The following SAMD5 variants were observed in gnomAD, a reference collection of about 807,000 sequenced individuals.
SAMD5 encodes sterile alpha motif domain containing 5.
A neutral mutation model predicts 11.3 loss-of-function variants in SAMD5; 13 were observed. The ratio of observed to expected loss-of-function variants is 1.15; its 90% CI spans 0.75 to 1.83. The LOEUF (loss-of-function observed/expected upper bound fraction) is 1.83. Ranked by LOEUF, SAMD5 falls within the 40% of genes most tolerant of loss-of-function variation. The probability of loss-of-function intolerance (pLI) is 0.00; values close to 1 mark genes in which losing one functional copy is unlikely to be tolerated. For synonymous variants in SAMD5, 129 were observed against 111.3 expected, an observed-to-expected ratio of 1.16 and a Z score of -1.00; for missense variants, 255 against 239.1, an observed-to-expected ratio of 1.07 and a Z score of -0.44.
intron 1 of SAMD5, among the ~76,000 whole-genome samples, chr6:147,516,489 A>G (rs755447375): frequency 6.6e-6 from 1 of 152,312 alleles, no homozygotes; most frequent in African/African-American, 2.4e-5. Context: ...TGTTATGGAG[A>G]TGAGATGAGC....
chr6:147,540,162 A>T (rs1788577062), intron 1 of SAMD5, among the ~76,000 whole-genome samples: 1 of 152,014 alleles, frequency 6.6e-6, no homozygotes, highest in Non-Finnish European at 1.5e-5. Context: ...TAAGACTGCG[A>T]ATCAGAAGCT....
chr6:147,856,566 T>G, the SAMD5 span, among the ~76,000 whole-genome samples: 1 of 152,060 alleles, frequency 6.6e-6, no homozygotes, highest in Non-Finnish European at 1.5e-5. Flanking sequence ...AGTAGAAGAG[T>G]GACCTTACAC....
chr6:147,528,001 T>C (rs896566398), intron 1 of SAMD5, among the ~76,000 whole-genome samples: 3 of 151,888 alleles, frequency 2.0e-5, no homozygotes, highest in African/African-American at 7.3e-5. Flanking sequence ...GGAGGTGCCA[T>C]ACACTTTTAA....
At chr6:147,614,577 A>G (rs888899680) in intron 1 of SAMD5, among the ~76,000 whole-genome samples, 14 of 151,988 alleles carry the variant, frequency 9.2e-5, no homozygotes, top group African/African-American at 2.9e-4. Flanking sequence ...GACACAAAAG[A>G]GAAACTCATA....
intron 1 of SAMD5, among the ~76,000 whole-genome samples, chr6:147,623,062 G>A (rs1789995952): frequency 6.6e-6 from 1 of 152,184 alleles, no homozygotes; most frequent in South Asian, 2.1e-4. Context: ...ACAATTCAAG[G>A]TGAGATTTGG....
the SAMD5 span, among the ~76,000 whole-genome samples, chr6:147,765,019 T>C: frequency 4.6e-5 from 7 of 152,164 alleles, no homozygotes; most frequent in African/African-American, 1.4e-4. Flanking sequence ...GAACAATACA[T>C]GTCAAGATTC....
the SAMD5 span, among the ~76,000 whole-genome samples, chr6:147,863,963 C>T: frequency 6.6e-6 from 1 of 151,392 alleles, no homozygotes; most frequent in Non-Finnish European, 1.5e-5. Flanking sequence ...CCTGCCTCAG[C>T]GTCCCGAGTA....
chr6:147,832,910 A>G, the SAMD5 span, among the ~76,000 whole-genome samples: 1 of 152,212 alleles, frequency 6.6e-6, no homozygotes, highest in Non-Finnish European at 1.5e-5. Flanking sequence ...CTTGTCTGAT[A>G]ATTTTTATTC....
At chr6:147,620,909 T>C (rs1039757814) in intron 1 of SAMD5, among the ~76,000 whole-genome samples, 2 of 152,100 alleles carry the variant, frequency 1.3e-5, no homozygotes, top group Non-Finnish European at 2.9e-5. Context: ...GTGGCTCTTG[T>C]GTGTTTGTGT....
intron 1 of SAMD5, among the ~76,000 whole-genome samples, chr6:147,716,358 G>C (rs922047827): frequency 4.6e-5 from 7 of 152,194 alleles, no homozygotes; most frequent in Non-Finnish European, 7.4e-5. Flanking sequence ...GCAGGGAGAG[G>C]CCAGGCAGTG....
At chr6:147,852,277 T>G in the SAMD5 span, among the ~76,000 whole-genome samples, 31 of 152,256 alleles carry the variant, frequency 2.0e-4, 1 homozygote, top group African/African-American at 7.5e-4. Context: ...TACATATGGA[T>G]ACCTCAACTT....
chr6:147,588,876 G>A (rs141158769), intron 1 of SAMD5, among the ~76,000 whole-genome samples: 196 of 152,074 alleles, frequency 1.3e-3, no homozygotes, highest in African/African-American at 4.4e-3. Context: ...ACTTCAATTC[G>A]TGAAATACGG....
chr6:147,826,657 A>G, the SAMD5 span, among the ~76,000 whole-genome samples: 1 of 152,194 alleles, frequency 6.6e-6, no homozygotes, highest in Non-Finnish European at 1.5e-5. Flanking sequence ...AAAAGTTGAC[A>G]ATTCTTAAAG....
At chr6:147,693,073 AGT>A (rs886684333) in intron 1 of SAMD5, among the ~76,000 whole-genome samples, 4 of 152,234 alleles carry the variant, frequency 2.6e-5, no homozygotes, top group Non-Finnish European at 5.9e-5. Flanking sequence ...AATCAGCCTG[AGT>A]GTGCGCTCTC....
chr6:147,542,394 A>G (rs1477517448), intron 1 of SAMD5, among the ~76,000 whole-genome samples: 1 of 152,194 alleles, frequency 6.6e-6, no homozygotes, highest in African/African-American at 2.4e-5. Context: ...TCAACAAGAC[A>G]GGGGAATTGC....
Position 147,566,366 on chromosome 6 carries a change from A to C in SAMD5, c.*1910A>C. On this transcript the variant is annotated 3_prime_UTR_variant, in exon 2 of 2. Transcript: ENST00000367474. ...TTGAGTGGTAGGGGAGTCTGTATAG[A>C]TTACAGATATAATTTATTGTGATAA... 1 of 982,352 alleles carries C rather than the reference A, an allele frequency of 1.0e-6. No individual in the cohort carries two copies. The allele number at this position is 982,352 out of a possible 1,614,324, so 60.9% of individuals were successfully genotyped here.
intron 1 of SAMD5, among the ~76,000 whole-genome samples, chr6:147,525,161 G>C (rs1788317379): frequency 6.6e-6 from 1 of 151,288 alleles, no homozygotes; most frequent in African/African-American, 2.4e-5. Context: ...TAAAAAAAAA[G>C]AGGAAGACTT....
the SAMD5 span, among the ~76,000 whole-genome samples, chr6:147,850,299 A>C: frequency 9.8e-5 from 15 of 152,296 alleles, no homozygotes; most frequent in African/African-American, 3.4e-4. Context: ...TTTAAAAAAA[A>C]CACTATGATA....
chr6:147,847,416 T>A, the SAMD5 span, among the ~76,000 whole-genome samples: 1 of 151,938 alleles, frequency 6.6e-6, no homozygotes, highest in East Asian at 1.9e-4. Context: ...ATAAAAACTT[T>A]AAAAAAAACC....
Sources: allele counts gnomAD v4.1 joint callset (sites outside exome capture counted in the v4.1 genomes callset), GRCh38; gene constraint gnomAD v4.1.1; transcripts MANE v1.5; gene names NCBI Gene and HGNC (gene_info 2026-07-23, HGNC 2026-07-21).